Variants in MEIS3 observed in about 807,000 individuals in gnomAD.
MEIS3 encodes Meis homeobox 3.
A neutral mutation model predicts 51.4 loss-of-function variants in MEIS3; 38 were observed. That is an observed-to-expected ratio of 0.74 (90% confidence interval 0.57 to 0.97). The LOEUF (loss-of-function observed/expected upper bound fraction) is 0.97. Ranked by LOEUF, MEIS3 falls within the 50% of genes least tolerant of loss-of-function variation. The pLI is 0.00. For missense variants in MEIS3, 456 were observed against 502.6 expected, an observed-to-expected ratio of 0.91 and a Z score of 0.89; for synonymous variants, 198 against 201.8, an observed-to-expected ratio of 0.98 and a Z score of 0.16.
intron 4 of MEIS3, 37 bp downstream of exon 4, chr19:47,416,615 T>G: frequency 3.4e-6 from 5 of 1,457,326 alleles, no homozygotes; most frequent in Non-Finnish European, 3.7e-6. Context: ...AGGAGACCCA[T>G]TGGAGGAGGG....
At position 47,417,494 on chromosome 19, in the gene MEIS3, C is replaced by G. The variant is rs535067749; in HGVS notation, c.13-144G>C. The G allele has an allele frequency of 2.0e-5, 21 of 1,047,462 alleles. 1 individual carries two copies. The highest frequency in any genetic ancestry group is 3.0e-5 in the Non-Finnish European group (21 of 693,362). 64.9% of individuals were successfully genotyped at this position (1,047,462 alleles called of 1,614,324 possible). On this transcript the variant is annotated intron_variant, in intron 1 of 12. Transcript: ENST00000558555. ...TGCCTGTGGTCCCCAGGTGTCTGAG[C>G]CCCCAAGCTTGAAGCCCTCCAGGTC...
chr19:47,416,671 T>C lies in MEIS3; in HGVS notation c.377A>G (p.Asn126Ser). The C allele has an allele frequency of 6.4e-7, 1 of 1,552,306 alleles. No homozygotes were observed. Among genetic ancestry groups the C allele is most frequent in the African/African-American group, 1.4e-5 (1 of 73,108 alleles). Reference protein sequence around the residue: ...VRSERPLFSSNPELDNLMIQA... With the variant: ...VRSERPLFSSSPELDNLMIQA... ...TCTCACCAGATTGTCCAGTTCTGGG[T>C]TGGAGGAGAAGAGGGGCCTCTCAGA... Residue 126 changes from asparagine (N) to serine (S), a missense_variant, in exon 4 of 13, where the codon AAC becomes AGC. Physicochemically the swap from Asn to Ser is conservative, Grantham distance 46 (BLOSUM62 1). Coordinates refer to ENST00000558555, the MANE Select transcript of MEIS3 (RefSeq NM_001301059.2).
Position 47,417,349 on chromosome 19 carries a change from T to C in MEIS3, c.14A>G (p.Tyr5Cys), listed in dbSNP as rs1232029618. The stretch of plus-strand genomic sequence containing the variant: ...GCCTGGGTAGTGCGGCAGCTCATCA[T>C]ACTGGGGGAAGGTGAGAAGAGAAGG... MARR[Y>C]DELPHYPGIV... is the part of the protein sequence containing the mutation. The change falls in exon 2 of 13, where the codon TAT (tyrosine) becomes TGT (cysteine). Residue 5 changes from tyrosine (Y) to cysteine (C), a missense_variant and splice_region_variant. Tyr to Cys is a radical substitution (Grantham distance 194, BLOSUM62 -2). Transcript: ENST00000558555. 2 of 1,613,180 alleles carry C rather than the reference T, an allele frequency of 1.2e-6. No individual in the cohort carries two copies. Among genetic ancestry groups the C allele is most frequent in the East Asian group, 2.2e-5 (1 of 44,856 alleles).
At chr19:47,420,938 A>ACTCTCTCT (rs1282443244), upstream of MEIS3, among the ~76,000 whole-genome samples, 56 of 83,598 alleles carry the variant, frequency 6.7e-4, no homozygotes, top group African/African-American at 3.0e-3. Context: ...ACACACACAC[A>ACTCTCTCT]CACTCTCTCT....
chr19:47,420,455 G>T (rs1450894744), upstream of MEIS3, among the ~76,000 whole-genome samples: 1 of 151,066 alleles, frequency 6.6e-6, no homozygotes, highest in African/African-American at 2.4e-5. Flanking sequence ...GAGGGAGGGG[G>T]CACCTGGGAT....
rs181268858 is a variant in MEIS3, at chr19:47,403,329, C to T, written c.*242G>A. 1.6e-3 allele frequency: 690 copies of T among 436,996 alleles called. 6 individuals are homozygous for T. The highest frequency in any genetic ancestry group is 0.011 in the African/African-American group (559 of 49,456). The allele number at this position is 436,996 out of a possible 1,614,324, so 27.1% of individuals were successfully genotyped here. A position where few individuals can be genotyped will look rare whatever the true frequency, so the allele number is the denominator to read the frequency against. On this transcript the variant is annotated 3_prime_UTR_variant, in exon 13 of 13. Transcript: ENST00000558555. ...GGGACCAAGGCCCAGGAGCCCAGCT[C>T]GGGTCCCAGGCAGAGGTGAAGGCAG...
chr19:47,418,932 G>T (rs1971595023), intron 1 of MEIS3, 138 bp downstream of exon 1: 1 of 487,452 alleles, frequency 2.1e-6, no homozygotes, highest in Non-Finnish European at 3.3e-6. Flanking sequence ...AGACCCAGGG[G>T]CGGAGGGAGG....
chr19:47,407,290 A>C lies in MEIS3; in HGVS notation c.935+62T>G, dbSNP rs974024094. 1.9e-6 allele frequency: 3 copies of C among 1,574,936 alleles called. No individual in the cohort carries two copies. The African/African-American group carries it at 4.1e-5, about 22-fold the overall frequency. ...TGCGGGGCTCGGGGCCTCCGTCAGC[A>C]CCGCGGACAGCGCCCGGGCTCTCGC... On this transcript the variant is annotated intron_variant, in intron 9 of 12. Transcript: ENST00000558555.
chr19:47,407,540 T>C (rs750404770), intron 8 of MEIS3, 112 bp from the exon 9 acceptor site: 1 of 1,588,068 alleles, frequency 6.3e-7, no homozygotes, highest in South Asian at 1.1e-5. Context: ...GGCAGACGTC[T>C]GGGAGAACCG....
upstream of MEIS3, among the ~76,000 whole-genome samples, chr19:47,420,908 TCTCACACACACA>T (rs1338636076): frequency 7.3e-5 from 7 of 95,896 alleles, no homozygotes; most frequent in African/African-American, 2.7e-4. Flanking sequence ...TCTCTCTCTC[TCTCACACACACA>T]CACACACACA....
intron 8 of MEIS3, 79 bp from the exon 9 acceptor site, chr19:47,407,507 G>A (rs762554058): frequency 2.7e-5 from 43 of 1,608,458 alleles, no homozygotes; most frequent in African/African-American, 4.0e-5. Context: ...ACCGGGGTCC[G>A]GGGGATGGGG....
intron 8 of MEIS3, among the ~76,000 whole-genome samples, chr19:47,408,496 A>ATC (rs368159435): frequency 7.3e-5 from 11 of 149,678 alleles, no homozygotes; most frequent in South Asian, 2.1e-4. Context: ...TTCTGTCTGT[A>ATC]TCTCTCTCTC....
At chr19:47,417,837 A>G (rs1971532165) in intron 1 of MEIS3, 1 of 610,046 alleles carries the variant, frequency 1.6e-6, no homozygotes. Context: ...TCCACTCGCC[A>G]CGTGAATCTA....
In MEIS3 at chr19:47,414,645, C is replaced by T. The variant is rs1599819447; in HGVS notation, c.597+72G>A. ...GCTTCGTCTGAGGCTGTGTAGTGCA[C>T]ATGCGCCCTCATGCGGTGTCCAGGC... On this transcript the variant is annotated intron_variant, in intron 6 of 12. Transcript: ENST00000558555. 2.0e-6 allele frequency: 3 copies of T among 1,510,664 alleles called. No homozygotes were observed. The East Asian group carries it at 7.4e-5, about 37-fold the overall frequency. 93.6% of individuals were successfully genotyped at this position (1,510,664 alleles called of 1,614,324 possible).
Position 47,419,129 on chromosome 19 carries a change from G to A in MEIS3, c.-48C>T. 6.5e-6 allele frequency: 8 copies of A among 1,225,774 alleles called. No homozygotes were observed. The highest frequency in any genetic ancestry group is 8.1e-6 in the Non-Finnish European group (8 of 982,824). 75.9% of individuals were successfully genotyped at this position (1,225,774 alleles called of 1,614,324 possible). ...CTGGGTCCCTCCAGAGCCTGGCCGC[G>A]GGGGAGGGCGCAGCCCGGGGCCGCA... On this transcript the variant is annotated 5_prime_UTR_variant, in exon 1 of 13. Coordinates refer to ENST00000558555, the MANE Select transcript of MEIS3 (RefSeq NM_001301059.2).
At chr19:47,413,790 C>T (rs1401530609) in intron 6 of MEIS3, among the ~76,000 whole-genome samples, 2 of 149,096 alleles carry the variant, frequency 1.3e-5, no homozygotes, top group Non-Finnish European at 3.0e-5. Flanking sequence ...TGCAGTGGTG[C>T]GATCCTGGCT....
At chr19:47,411,644 G>A (rs1346882701) in intron 6 of MEIS3, among the ~76,000 whole-genome samples, 3 of 151,174 alleles carry the variant, frequency 2.0e-5, no homozygotes, top group Non-Finnish European at 2.9e-5. Context: ...GGGTTCAGGC[G>A]ATTCTCCTGC....
chr19:47,415,424 C>T (rs1026159296), intron 4 of MEIS3, among the ~76,000 whole-genome samples: 2 of 152,128 alleles, frequency 1.3e-5, no homozygotes, highest in Middle Eastern at 3.4e-3. Flanking sequence ...TGCCTGTTGG[C>T]CCCCAGCTCC....
chr19:47,414,436 T>TA (rs1166405373), intron 6 of MEIS3, among the ~76,000 whole-genome samples: 4 of 152,206 alleles, frequency 2.6e-5, no homozygotes, highest in South Asian at 4.1e-4. Context: ...AAATGGCTGT[T>TA]GCTGAGTTGG....
Sources: allele counts gnomAD v4.1 joint callset (sites outside exome capture counted in the v4.1 genomes callset), GRCh38; gene constraint gnomAD v4.1.1; transcripts MANE v1.5; gene names NCBI Gene and HGNC (gene_info 2026-07-23, HGNC 2026-07-21).